Variants in FIG4 observed in about 807,000 individuals in gnomAD.
FIG4 encodes FIG4 phosphoinositide 5-phosphatase.
A neutral mutation model predicts 118.6 loss-of-function variants in FIG4; 112 were observed. The ratio of observed to expected loss-of-function variants is 0.94; its 90% CI spans 0.81 to 1.11. The LOEUF (loss-of-function observed/expected upper bound fraction) is 1.11. Among genes scored for constraint, FIG4 ranks in the 50% least tolerant of loss-of-function variants. The pLI, the probability that FIG4 is intolerant of heterozygous loss-of-function variation, is 0.00. For missense variants in FIG4, 969 were observed against 1,111.7 expected, an observed-to-expected ratio of 0.87 and a Z score of 1.83; for synonymous variants, 369 against 381.2, an observed-to-expected ratio of 0.97 and a Z score of 0.37.
At chr6:109,708,687 T>C (rs1775165621) in intron 1 of FIG4, among the ~76,000 whole-genome samples, 2 of 152,344 alleles carry the variant, frequency 1.3e-5, no homozygotes, top group South Asian at 4.1e-4. Flanking sequence ...GGGCTTTCAT[T>C]TTGGTTTTGA....
chr6:109,720,809 T>C (rs998736763), intron 3 of FIG4, among the ~76,000 whole-genome samples: 1 of 152,240 alleles, frequency 6.6e-6, no homozygotes, highest in African/African-American at 2.4e-5. Context: ...AGGGTTTTCC[T>C]TGCTATAAAC....
intron 1 of FIG4, among the ~76,000 whole-genome samples, chr6:109,694,335 G>T (rs965667923): frequency 6.6e-6 from 1 of 152,174 alleles, no homozygotes; most frequent in African/African-American, 2.4e-5. Flanking sequence ...AATGTATACT[G>T]GGGAAAGGAC....
chr6:109,712,589 A>G (rs938596822), intron 1 of FIG4, among the ~76,000 whole-genome samples: 14 of 152,272 alleles, frequency 9.2e-5, no homozygotes, highest in Non-Finnish European at 1.8e-4. Flanking sequence ...TTTCAGTTCT[A>G]TCAGGTCAGA....
At chr6:109,775,100 A>T (rs1463051584) in intron 15 of FIG4, among the ~76,000 whole-genome samples, 3 of 152,186 alleles carry the variant, frequency 2.0e-5, no homozygotes, top group African/African-American at 7.2e-5. Context: ...CCCTTCAAGC[A>T]CAATTAAACA....
At chr6:109,760,411 G>A in intron 11 of FIG4, 28 bp downstream of exon 11, 2 of 1,597,148 alleles carry the variant, frequency 1.3e-6, no homozygotes, top group Non-Finnish European at 1.7e-6. Context: ...GTCTGGCTAT[G>A]ATCGTTTCCT....
intron 17 of FIG4, 70 bp from the exon 18 acceptor site, chr6:109,786,232 G>A: frequency 7.2e-7 from 1 of 1,393,274 alleles, no homozygotes; most frequent in Non-Finnish European, 1.0e-6. Context: ...TGTGAACACA[G>A]TTAATATTAT....
At chr6:109,769,851 C>A (rs1243224520) in intron 15 of FIG4, among the ~76,000 whole-genome samples, 1 of 152,086 alleles carries the variant, frequency 6.6e-6, no homozygotes, top group Non-Finnish European at 1.5e-5. Flanking sequence ...CCCAGGAGTT[C>A]GAGGCTGCAG....
chr6:109,732,598 A>G (rs1383158234), intron 4 of FIG4, 39 bp from the exon 5 acceptor site: 2 of 1,014,890 alleles, frequency 2.0e-6, no homozygotes, highest in Non-Finnish European at 3.1e-6. Context: ...AAATAATAGT[A>G]TTGGACAAAT....
At position 109,825,281 on chromosome 6, in the gene FIG4, A is replaced by T; in HGVS notation, c.*16A>T. ...CTACCTGTGAAAAGAGCGCAGGTCC[A>T]CCTGGTGGACACGTCTGATTAGCTT... On this transcript the variant is annotated 3_prime_UTR_variant, in exon 23 of 23. Transcript: ENST00000230124. 6.2e-7 allele frequency: 1 copy of T among 1,610,742 alleles called. No homozygotes were observed.
At chr6:109,822,787 G>GTATATATATA (rs10523453) in intron 22 of FIG4, among the ~76,000 whole-genome samples, 143 of 120,324 alleles carry the variant, frequency 1.2e-3, no homozygotes, top group African/African-American at 1.7e-3. Context: ...GTGTGTGTAT[G>GTATATATATA]TATATATATA....
At chr6:109,815,495 G>GCCCCCCCCCCCCCCCC (rs112617514) in intron 22 of FIG4, among the ~76,000 whole-genome samples, 21 of 89,242 alleles carry the variant, frequency 2.4e-4, no homozygotes, top group South Asian at 7.8e-4. Flanking sequence ...ACTCCAGGCT[G>GCCCCCCCCCCCCCCCC]CCCCCCCCAC....
intron 1 of FIG4, among the ~76,000 whole-genome samples, chr6:109,709,691 A>G (rs1413885711): frequency 6.6e-6 from 1 of 152,108 alleles, no homozygotes; most frequent in African/African-American, 2.4e-5. Flanking sequence ...AGTTAGCTGT[A>G]TTCCTAGGTG....
chr6:109,727,084 T>C, intron 3 of FIG4, 25 bp from the exon 4 acceptor site: 5 of 1,566,812 alleles, frequency 3.2e-6, no homozygotes, highest in Non-Finnish European at 3.5e-6. Context: ...ATAAAGCATA[T>C]TTCTCTTTAT....
chr6:109,728,901 T>A lies in FIG4; in HGVS notation c.446+1636T>A, dbSNP rs138082661. On this transcript the variant is annotated intron_variant, in intron 4 of 22. Transcript: ENST00000230124. ...AGAATACTAATACAAATTATGTTGT[T>A]GTGTACAGTGATTTGGATATCTTTA... Among the ~76,000 whole-genome samples the A allele has an allele frequency of 2.6e-3, 389 of 152,270 alleles. 1 individual carries two copies. The highest frequency in any genetic ancestry group is 0.014 in the Middle Eastern group (4 of 294).
In FIG4 at chr6:109,727,128, A is replaced by C. The variant is rs151070087; in HGVS notation, c.309A>C (p.Glu103Asp). 2.3e-5 allele frequency: 37 copies of C among 1,611,012 alleles called. No individual in the cohort carries two copies. The highest frequency in any genetic ancestry group is 3.0e-5 in the Non-Finnish European group (35 of 1,177,326). ...GCATAGGTTTTGTCAGGTTCTTAGAAGGCTATTATATTGTGTTAATAACTA... is the reference window on the plus strand; with the variant it reads ...GCATAGGTTTTGTCAGGTTCTTAGACGGCTATTATATTGTGTTAATAACTA... Reference protein sequence around the residue: ...FGVVGFVRFLEGYYIVLITKR... With the variant: ...FGVVGFVRFLDGYYIVLITKR... The change falls in exon 4 of 23, where the codon GAA becomes GAC. Residue 103 changes from glutamate (E) to aspartate (D), a missense_variant. Transcript: ENST00000230124.
In FIG4 at chr6:109,691,451, G is replaced by A. The variant is rs868101103; in HGVS notation, c.16G>A (p.Ala6Thr). The change falls in exon 1 of 23, where the codon GCC (alanine) becomes ACC (threonine). Residue 6 changes from alanine (A) to threonine (T), a missense_variant. Around this residue, in one of 3 missense-constraint regions of FIG4, gnomAD observed 393 missense variants for 409.4 expected, o/e 0.96. Transcript: ENST00000230124. ...TGCCGCCGCCATGCCCACGGCCGCC[G>A]CCCCCATCATCAGCTCGGTCCAGAA... MPTAAAPIISSVQKLV... is the reference protein window; with the variant it reads MPTAATPIISSVQKLV... The A allele has an allele frequency of 1.3e-6, 2 of 1,584,064 alleles. No homozygotes were observed. Among genetic ancestry groups the A allele is most frequent in the African/African-American group, 1.3e-5 (1 of 74,252 alleles).
intron 1 of FIG4, among the ~76,000 whole-genome samples, chr6:109,704,905 T>C (rs1257753260): frequency 1.3e-5 from 2 of 152,114 alleles, no homozygotes; most frequent in African/African-American, 2.4e-5. Flanking sequence ...ACATATATAT[T>C]GTATTGATGA....
intron 3 of FIG4, among the ~76,000 whole-genome samples, chr6:109,722,310 T>C (rs1203118411): frequency 6.6e-6 from 1 of 152,156 alleles, no homozygotes; most frequent in Admixed American, 6.5e-5. Flanking sequence ...AATAGCATTT[T>C]TTTCGCAGTG....
chr6:109,785,082 C>A (rs1777914973), intron 17 of FIG4, 54 bp downstream of exon 17: 1 of 958,536 alleles, frequency 1.0e-6, no homozygotes, highest in Non-Finnish European at 1.7e-6. Flanking sequence ...GGCATTATAC[C>A]TTAATGAACT....
Sources: gnomAD v4.1 joint callset for allele counts (sites outside exome capture counted in the v4.1 genomes callset) on GRCh38, gnomAD v4.1.1 for gene constraint, gnomAD v4.1.1 regional missense constraint, MANE v1.5 for transcripts, NCBI Gene and HGNC (gene_info 2026-07-23, HGNC 2026-07-21) for gene names.